Variants in PIP5K1B observed in about 807,000 individuals in gnomAD.
The protein encoded by PIP5K1B is phosphatidylinositol 4-phosphate 5-kinase type-1 beta.
Under a neutral mutation model 67.0 loss-of-function variants are expected in PIP5K1B, and 42 were observed. The observed-to-expected ratio is 0.63, with a 90% CI of 0.49 to 0.81. The LOEUF is 0.81. Among genes scored for constraint, PIP5K1B ranks in the 30% least tolerant of loss-of-function variants. The pLI is 0.00. For missense variants in PIP5K1B, 459 were observed against 646.3 expected (o/e 0.71, Z 3.14); for synonymous variants, 214 against 231.4 (o/e 0.92, Z 0.68).
chr9:69,003,057 C>G (rs564742189), intron 15 of PIP5K1B, among the ~76,000 whole-genome samples: 1 of 151,900 alleles, frequency 6.6e-6, no homozygotes, highest in Non-Finnish European at 1.5e-5. Flanking sequence ...AAGGGGACCC[C>G]GGAGCCAAGG....
chr9:68,783,038 G>A (rs1299248288), intron 2 of PIP5K1B: 1 of 166,986 alleles, frequency 6.0e-6, no homozygotes, highest in African/African-American at 2.4e-5. Context: ...TCTTGCCTGA[G>A]TGATCTCCCA....
chr9:68,976,760 A>C (rs1318586496), intron 14 of PIP5K1B, among the ~76,000 whole-genome samples: 2 of 152,184 alleles, frequency 1.3e-5, no homozygotes, highest in African/African-American at 4.8e-5. Context: ...AATGGAGTTC[A>C]TGCTCCTTTG....
At chr9:68,758,764 C>T (rs973112277) in intron 2 of PIP5K1B, among the ~76,000 whole-genome samples, 1 of 152,056 alleles carries the variant, frequency 6.6e-6, no homozygotes, top group Non-Finnish European at 1.5e-5. Flanking sequence ...ATTCAAGAAG[C>T]TCATAAAACC....
At chr9:68,800,364 A>G (rs999739226) in intron 2 of PIP5K1B, among the ~76,000 whole-genome samples, 5 of 152,224 alleles carry the variant, frequency 3.3e-5, no homozygotes, top group African/African-American at 1.2e-4. Flanking sequence ...GCATCTAGAC[A>G]GGGCCTGCAC....
Position 68,923,393 on chromosome 9 carries a change from T to C in PIP5K1B, c.1201+7T>C, listed in dbSNP as rs567942075. 6.8e-7 allele frequency: 1 copy of C among 1,467,868 alleles called. No homozygotes were observed. 90.9% of individuals were successfully genotyped at this position (1,467,868 alleles called of 1,614,324 possible). A position where few individuals can be genotyped will look rare whatever the true frequency, so the allele number is the denominator to read the frequency against. On this transcript the variant is annotated splice_region_variant and intron_variant, in intron 12 of 15. Transcript: ENST00000265382. ...GTTTTCAAGAAAATTCAAGGTAAGATTCTTATGAATTTTTTTTTTTACTTT... is the reference window on the plus strand; with the variant it reads ...GTTTTCAAGAAAATTCAAGGTAAGACTCTTATGAATTTTTTTTTTTACTTT...
At chr9:68,923,511 G>A in intron 12 of PIP5K1B, 125 bp downstream of exon 12, 1 of 575,118 alleles carries the variant, frequency 1.7e-6, no homozygotes, top group Non-Finnish European at 3.0e-6. Flanking sequence ...TAGTAATTAT[G>A]GTTAAGTAAC....
chr9:68,943,752 A>G (rs549618954), intron 14 of PIP5K1B, among the ~76,000 whole-genome samples: 2 of 152,296 alleles, frequency 1.3e-5, no homozygotes, highest in African/African-American at 4.8e-5. Flanking sequence ...TTTTCTGTTC[A>G]GGCAAAGTGG....
At chr9:68,987,306 A>G (rs1421719657) in intron 14 of PIP5K1B, among the ~76,000 whole-genome samples, 1 of 150,540 alleles carries the variant, frequency 6.6e-6, no homozygotes, top group Admixed American at 6.6e-5. Context: ...GCTTATGCCT[A>G]TAATCCCAGC....
At position 68,831,584 on chromosome 9, in the gene PIP5K1B, G is replaced by T. The variant is rs561614601; in HGVS notation, c.69+8901G>T. 2.0e-5 allele frequency among the ~76,000 whole-genome samples: 3 copies of T among 152,320 alleles called. No homozygotes were observed. The South Asian group carries it at 6.2e-4, about 32-fold the overall frequency. ...GTGTCTGGAGGGCAGTGCTGCTCAA[G>T]ACATTAAAACAGTGATTCTCAATTA... On this transcript the variant is annotated intron_variant, in intron 4 of 15. Transcript: ENST00000265382.
chr9:68,823,084 G>C (rs1391112469), intron 4 of PIP5K1B, among the ~76,000 whole-genome samples: 1 of 152,066 alleles, frequency 6.6e-6, no homozygotes, highest in Non-Finnish European at 1.5e-5. Context: ...CACTTTAAAG[G>C]GCCTGTGTGA....
chr9:68,761,847 C>A (rs1004906210), intron 2 of PIP5K1B, among the ~76,000 whole-genome samples: 1 of 152,128 alleles, frequency 6.6e-6, no homozygotes, highest in Non-Finnish European at 1.5e-5. Context: ...AGCCTTAATT[C>A]CCCTTGCCGT....
intron 14 of PIP5K1B, among the ~76,000 whole-genome samples, chr9:68,987,963 C>T (rs1830164514): frequency 6.6e-6 from 1 of 152,140 alleles, no homozygotes; most frequent in Admixed American, 6.5e-5. Context: ...AGACCCAAAC[C>T]ATATCAACTA....
chr9:68,929,402 T>C (rs4745395), intron 12 of PIP5K1B, among the ~76,000 whole-genome samples: 149,341 of 152,246 alleles, frequency 0.98, 73,297 homozygotes, highest in East Asian at 1. Context: ...CTCATCCTTC[T>C]ATCTGCTCAT....
At chr9:68,868,090 CT>C (rs1244297681) in intron 5 of PIP5K1B, among the ~76,000 whole-genome samples, 2 of 152,124 alleles carry the variant, frequency 1.3e-5, no homozygotes, top group Non-Finnish European at 2.9e-5. Context: ...ATATAAAAAT[CT>C]CTTTTAACTG....
chr9:68,964,335 G>A (rs114664172), intron 14 of PIP5K1B, among the ~76,000 whole-genome samples: 3,396 of 152,292 alleles, frequency 0.022, 130 homozygotes, highest in African/African-American at 0.077. Context: ...GAGAAGTAAA[G>A]GCCCCTAAGG....
chr9:68,964,486 C>T (rs1160167811), intron 14 of PIP5K1B, among the ~76,000 whole-genome samples: 2 of 152,196 alleles, frequency 1.3e-5, no homozygotes, highest in Non-Finnish European at 2.9e-5. Context: ...GGGTACTCTC[C>T]TGGGTCTGCC....
At chr9:68,789,391 A>C in intron 2 of PIP5K1B, 1 of 420,644 alleles carries the variant, frequency 2.4e-6, no homozygotes, top group Non-Finnish European at 4.6e-6. Context: ...ACAGACTCCA[A>C]CATAGTCCTG....
chr9:68,804,790 G>C (rs751211258), intron 2 of PIP5K1B, among the ~76,000 whole-genome samples: 17 of 151,974 alleles, frequency 1.1e-4, no homozygotes, highest in Non-Finnish European at 2.5e-4. Context: ...TGTTGCCTTC[G>C]TTTTCCTCTG....
intron 15 of PIP5K1B, among the ~76,000 whole-genome samples, chr9:69,004,294 A>G (rs912840473): frequency 6.6e-6 from 1 of 151,938 alleles, no homozygotes; most frequent in Non-Finnish European, 1.5e-5. Flanking sequence ...CTCAGTGCAT[A>G]GGCAAAAATG....
Sources: allele counts gnomAD v4.1 joint callset (sites outside exome capture counted in the v4.1 genomes callset), GRCh38; gene constraint gnomAD v4.1.1; transcripts MANE v1.5; gene names NCBI Gene and HGNC (gene_info 2026-07-23, HGNC 2026-07-21).